The following RASSF8 variants were observed in gnomAD, a reference collection of about 807,000 sequenced individuals.
RASSF8 encodes Ras association domain family member 8, also known as ras association domain-containing protein 8.
RASSF8 carries 22 observed loss-of-function variants against 48.5 expected under a neutral mutation model. That is an observed-to-expected ratio of 0.45 (90% confidence interval 0.32 to 0.65). RASSF8 has a LOEUF of 0.65. Among genes scored for constraint, RASSF8 ranks in the 30% least tolerant of loss-of-function variants. The pLI is 0.03. For missense variants in RASSF8, 418 were observed against 489.2 expected (o/e 0.85, Z 1.37); for synonymous variants, 127 against 171.5 (o/e 0.74, Z 2.03).
chr12:26,026,127 G>A (rs946946530), intron 2 of RASSF8, among the ~76,000 whole-genome samples: 1 of 152,130 alleles, frequency 6.6e-6, no homozygotes, highest in African/African-American at 2.4e-5. Flanking sequence ...AGAAAAGATA[G>A]GTAAACAGGA....
At chr12:26,008,576 A>C (rs369814518) in intron 2 of RASSF8, among the ~76,000 whole-genome samples, 2 of 152,306 alleles carry the variant, frequency 1.3e-5, no homozygotes, top group African/African-American at 4.8e-5. Flanking sequence ...TTGAGTGTAT[A>C]CTCTAAATCT....
intron 1 of RASSF8, chr12:25,959,480 GT>G (rs1400551600): frequency 6.6e-6 from 1 of 152,252 alleles, no homozygotes; most frequent in African/African-American, 2.4e-5. Context: ...TTTATGTCTG[GT>G]TTTTAAAATA....
intron 2 of RASSF8, among the ~76,000 whole-genome samples, chr12:26,009,797 A>G (rs1173226868): frequency 6.6e-6 from 1 of 152,196 alleles, no homozygotes; most frequent in Non-Finnish European, 1.5e-5. Flanking sequence ...TAGTTTGGTT[A>G]GATGGTAGGG....
chr12:25,958,546 C>G (rs894277275), upstream of RASSF8: 1 of 149,384 alleles, frequency 6.7e-6, no homozygotes, highest in African/African-American at 2.4e-5. Context: ...GCGGCTGAAA[C>G]CCGAGCGCCC....
intron 2 of RASSF8, among the ~76,000 whole-genome samples, chr12:26,027,809 G>A (rs2137093796): frequency 6.6e-6 from 1 of 152,344 alleles, no homozygotes; most frequent in African/African-American, 2.4e-5. Flanking sequence ...GGGATAGAAT[G>A]AGAAGCATAG....
Position 26,065,055 on chromosome 12 carries a change from G to A in RASSF8, c.661G>A (p.Glu221Lys). Residue 221 changes from glutamate (E) to lysine (K), a missense_variant, in exon 4 of 6, where the codon GAG (glutamate) becomes AAG (lysine). Transcript: ENST00000689635. Reference protein sequence around the residue: ...QKIKRNDVEIEEEEFWENELQ... With the variant: ...QKIKRNDVEIKEEEFWENELQ... ...GATCAAAAGAAACGATGTAGAAATT[G>A]AGGAGGAAGAATTCTGGGAAAATGA... 1 of 1,613,810 alleles carries A rather than the reference G, an allele frequency of 6.2e-7. No homozygotes were observed. Among genetic ancestry groups the A allele is most frequent in the East Asian group, 2.2e-5 (1 of 44,882 alleles).
intron 2 of RASSF8, among the ~76,000 whole-genome samples, chr12:26,015,144 C>T (rs1251587242): frequency 6.6e-6 from 1 of 151,140 alleles, no homozygotes; most frequent in African/African-American, 2.4e-5. Flanking sequence ...GAAGTCGAGG[C>T]TTCAGTGAGC....
chr12:26,066,805 G>A (rs1176490116), intron 4 of RASSF8, among the ~76,000 whole-genome samples: 2 of 152,198 alleles, frequency 1.3e-5, no homozygotes, highest in African/African-American at 4.8e-5. Context: ...CCTGGGTAGA[G>A]CCAGGGTACT....
chr12:26,024,946 G>A (rs981161918), intron 2 of RASSF8, among the ~76,000 whole-genome samples: 2 of 151,880 alleles, frequency 1.3e-5, no homozygotes, highest in East Asian at 1.9e-4. Context: ...GCAACAGAGC[G>A]AGACTCCGTC....
rs143546894 is a variant in RASSF8 at position 26,050,928 on chromosome 12, G to A, written c.-108-4308G>A. Among the ~76,000 whole-genome samples, 386 of 151,978 alleles carry A rather than the reference G, an allele frequency of 2.5e-3. 1 individual carries two copies. Among genetic ancestry groups the A allele is most frequent in the African/African-American group, 5.7e-3 (237 of 41,452 alleles). On this transcript the variant is annotated intron_variant, in intron 2 of 5. Coordinates refer to ENST00000689635, the MANE Select transcript of RASSF8 (RefSeq NM_001394098.1). ...GCAAGTTTGTATATATTATCTGATC[G>A]TTGTTTATTGACAAAAACCAGTTTC... is the stretch of plus-strand genomic sequence containing the variant.
intron 2 of RASSF8, among the ~76,000 whole-genome samples, chr12:25,997,729 G>T (rs1199037670): frequency 6.6e-6 from 1 of 152,132 alleles, no homozygotes; most frequent in Non-Finnish European, 1.5e-5. Flanking sequence ...GCATCAAGAC[G>T]CATACTTGGA....
intron 5 of RASSF8, among the ~76,000 whole-genome samples, chr12:26,068,138 T>G (rs1943920823): frequency 6.6e-6 from 1 of 152,148 alleles, no homozygotes; most frequent in Non-Finnish European, 1.5e-5. Flanking sequence ...ATAGCTAATT[T>G]TTAAGTGGGA....
At chr12:26,042,529 T>C (rs890984370) in intron 2 of RASSF8, among the ~76,000 whole-genome samples, 1 of 136,914 alleles carries the variant, frequency 7.3e-6, no homozygotes, top group Non-Finnish European at 1.7e-5. Flanking sequence ...TCTATTTTGA[T>C]TAACTTGTTT....
rs925663939 is a variant in RASSF8 at position 26,072,602 on chromosome 12, T to C, written c.*3784T>C. The C allele has an allele frequency of 1.0e-6, 1 of 985,374 alleles. No individual in the cohort carries two copies. Among genetic ancestry groups the C allele is most frequent in the South Asian group, 4.7e-5 (1 of 21,284 alleles). The allele number at this position is 985,374 out of a possible 1,614,324, so 61.0% of individuals were successfully genotyped here. A position where few individuals can be genotyped will look rare whatever the true frequency, so the allele number is the denominator to read the frequency against. On this transcript the variant is annotated 3_prime_UTR_variant, in exon 6 of 6. Transcript: ENST00000689635. ...TGATAGCCCTAAATGTATTTCTCAA[T>C]ATGTTTTTCTTTATTGACCCTAGGA...
In RASSF8 at chr12:26,010,832, A is replaced by T. The variant is rs1466137675; in HGVS notation, c.-109+15702A>T. Among the ~76,000 whole-genome samples, 3 of 151,880 alleles carry T rather than the reference A, an allele frequency of 2.0e-5. No homozygotes were observed. In the East Asian group the frequency reaches 5.8e-4, roughly 30 times the overall value. ...CGTGAGAGACTTCTGTATACCTAAG[A>T]TGCAGGCGAGGGGGACCTGGGGGAT... is the stretch of plus-strand genomic sequence containing the variant. On this transcript the variant is annotated intron_variant, in intron 2 of 5. Coordinates refer to ENST00000689635, the MANE Select transcript of RASSF8 (RefSeq NM_001394098.1).
chr12:26,047,914 A>G (rs1189243588), intron 2 of RASSF8, among the ~76,000 whole-genome samples: 1 of 152,238 alleles, frequency 6.6e-6, no homozygotes, highest in African/African-American at 2.4e-5. Context: ...AAGCAGGTAG[A>G]GAGAAAGGGA....
chr12:26,062,638 A>G (rs1943769220), intron 3 of RASSF8, among the ~76,000 whole-genome samples: 1 of 152,216 alleles, frequency 6.6e-6, no homozygotes, highest in Admixed American at 6.5e-5. Flanking sequence ...ATCTCTGTCT[A>G]GTTTACATAG....
At chr12:26,064,068 G>A (rs939664464) in intron 3 of RASSF8, among the ~76,000 whole-genome samples, 2 of 152,184 alleles carry the variant, frequency 1.3e-5, no homozygotes, top group African/African-American at 4.8e-5. Context: ...GATTTCCACA[G>A]TGGAAATGTA....
At chr12:26,058,540 A>G (rs11834216) in intron 3 of RASSF8, among the ~76,000 whole-genome samples, 2,635 of 36,530 alleles carry the variant, frequency 0.072, 54 homozygotes, top group African/African-American at 0.17. Context: ...GCGCGCGCGC[A>G]CACACACACA....
Sources: allele counts gnomAD v4.1 joint callset (sites outside exome capture counted in the v4.1 genomes callset), GRCh38; gene constraint gnomAD v4.1.1; transcripts MANE v1.5; gene names NCBI Gene and HGNC (gene_info 2026-07-23, HGNC 2026-07-21).